Variants in MTUS2 observed in about 807,000 individuals in gnomAD.
The protein encoded by MTUS2 is microtubule-associated tumor suppressor candidate 2.
In MTUS2, 40 loss-of-function variants were observed where a neutral mutation model predicts 114.1. The observed-to-expected ratio is 0.35, with a 90% CI of 0.27 to 0.46. The LOEUF (loss-of-function observed/expected upper bound fraction) is 0.46, where lower values mean the gene tolerates loss of function less well. Among genes scored for constraint, MTUS2 ranks in the 20% least tolerant of loss-of-function variants. The pLI is 1.00. For missense variants in MTUS2, 1,679 were observed against 1,705.4 expected, an observed-to-expected ratio of 0.98 and a Z score of 0.27; for synonymous variants, 688 against 672.0, an observed-to-expected ratio of 1.02 and a Z score of -0.37.
chr13:29,450,772 A>C (rs1878627866), intron 9 of MTUS2, among the ~76,000 whole-genome samples: 1 of 152,232 alleles, frequency 6.6e-6, no homozygotes, highest in Non-Finnish European at 1.5e-5. Flanking sequence ...AACATCAATC[A>C]AAAGAAAATT....
At chr13:29,195,778 C>G (rs937285274) in intron 5 of MTUS2, among the ~76,000 whole-genome samples, 1 of 152,144 alleles carries the variant, frequency 6.6e-6, no homozygotes. Context: ...TCAGCAGTAA[C>G]ACAGAAGCAA....
intron 2 of MTUS2, among the ~76,000 whole-genome samples, chr13:28,953,181 T>G (rs1287190633): frequency 6.6e-6 from 1 of 151,020 alleles, no homozygotes; most frequent in Non-Finnish European, 1.5e-5. Flanking sequence ...TTTTTTTTTT[T>G]GCACATTTTT....
intron 5 of MTUS2, among the ~76,000 whole-genome samples, chr13:29,237,547 C>G (rs1337667730): frequency 6.6e-6 from 1 of 152,136 alleles, no homozygotes; most frequent in African/African-American, 2.4e-5. Flanking sequence ...TCCCTGTGAT[C>G]TGTTATCTGG....
intron 8 of MTUS2, among the ~76,000 whole-genome samples, chr13:29,431,823 G>GT (rs1017878254): frequency 3.9e-5 from 6 of 151,930 alleles, no homozygotes; most frequent in Non-Finnish European, 8.8e-5. Context: ...CCAGACCCAG[G>GT]TTTTTTGTTG....
intron 2 of MTUS2, among the ~76,000 whole-genome samples, chr13:28,879,165 A>AT (rs1209828266): frequency 1.7e-4 from 25 of 149,378 alleles, no homozygotes; most frequent in Non-Finnish European, 3.0e-4. Flanking sequence ...CTCACTTTTA[A>AT]TTTTTTTTTC....
chr13:29,005,177 G>A (rs1409600779), intron 2 of MTUS2, among the ~76,000 whole-genome samples: 1 of 152,202 alleles, frequency 6.6e-6, no homozygotes, highest in African/African-American at 2.4e-5. Flanking sequence ...TAGGGTGAGT[G>A]AGTGGACCTA....
chr13:29,087,808 C>T (rs7996526), intron 4 of MTUS2, among the ~76,000 whole-genome samples: 3,781 of 152,172 alleles, frequency 0.025, 175 homozygotes, highest in African/African-American at 0.085. Context: ...CCTGTAATCC[C>T]GGCACTCTGG....
At chr13:29,346,348 T>G (rs756692857) in intron 7 of MTUS2, among the ~76,000 whole-genome samples, 1 of 152,068 alleles carries the variant, frequency 6.6e-6, no homozygotes, top group Non-Finnish European at 1.5e-5. Context: ...ATGTCTGGGC[T>G]CAGACTCTCC....
At chr13:29,429,060 T>G (rs1876799140) in intron 8 of MTUS2, among the ~76,000 whole-genome samples, 1 of 152,232 alleles carries the variant, frequency 6.6e-6, no homozygotes, top group Non-Finnish European at 1.5e-5. Flanking sequence ...TTGTGAGTGG[T>G]GTTCACAGAA....
At chr13:29,255,836 T>C (rs1030269270) in intron 5 of MTUS2, among the ~76,000 whole-genome samples, 1 of 152,104 alleles carries the variant, frequency 6.6e-6, no homozygotes, top group African/African-American at 2.4e-5. Flanking sequence ...TAGCCTTCAG[T>C]TTCTGGACAC....
chr13:29,336,823 C>G (rs534583946), intron 7 of MTUS2, among the ~76,000 whole-genome samples: 2 of 152,362 alleles, frequency 1.3e-5, no homozygotes, highest in East Asian at 3.9e-4. Flanking sequence ...CACTACCTTT[C>G]TTTCAGAATT....
chr13:29,158,582 T>G (rs1236036258), intron 5 of MTUS2, among the ~76,000 whole-genome samples: 1 of 151,834 alleles, frequency 6.6e-6, no homozygotes, highest in Non-Finnish European at 1.5e-5. Context: ...AAATACCTTC[T>G]TGGCTTCTGT....
At chr13:29,469,091 G>C (rs58970654) in intron 9 of MTUS2, among the ~76,000 whole-genome samples, 1 of 152,070 alleles carries the variant, frequency 6.6e-6, no homozygotes, top group African/African-American at 2.4e-5. Context: ...CAACCTCCTC[G>C]TTTGACGGAT....
intron 2 of MTUS2, among the ~76,000 whole-genome samples, chr13:28,897,532 G>A (rs1258871359): frequency 6.6e-6 from 1 of 152,100 alleles, no homozygotes; most frequent in South Asian, 2.1e-4. Flanking sequence ...ATTTGACCCA[G>A]CCATCCCATT....
At chr13:29,135,594 G>C (rs12870632) in intron 5 of MTUS2, among the ~76,000 whole-genome samples, 8,253 of 151,990 alleles carry the variant, frequency 0.054, 291 homozygotes, top group Non-Finnish European at 0.077. Context: ...ATGCCTTATA[G>C]GATTTCTGTC....
chr13:29,275,283 G>A (rs1898021791), intron 5 of MTUS2, among the ~76,000 whole-genome samples: 1 of 152,228 alleles, frequency 6.6e-6, no homozygotes, highest in Admixed American at 6.5e-5. Flanking sequence ...GGTTACATGA[G>A]ATATTTTGAT....
At chr13:29,073,406 C>G (rs1179588381) in intron 4 of MTUS2, among the ~76,000 whole-genome samples, 2 of 152,176 alleles carry the variant, frequency 1.3e-5, no homozygotes, top group Non-Finnish European at 2.9e-5. Flanking sequence ...ACAACTTTGA[C>G]TAGTTTCTCT....
chr13:29,172,748 T>G (rs1295962723), intron 5 of MTUS2, among the ~76,000 whole-genome samples: 1 of 152,196 alleles, frequency 6.6e-6, no homozygotes, highest in Non-Finnish European at 1.5e-5. Flanking sequence ...AAGGAGACAT[T>G]ACCAGGCTAC....
chr13:29,472,031 G>T (rs1880353917), intron 9 of MTUS2, among the ~76,000 whole-genome samples: 1 of 151,936 alleles, frequency 6.6e-6, no homozygotes, highest in Non-Finnish European at 1.5e-5. Flanking sequence ...ACTTTCTGTT[G>T]TTTTTCTTTT....
Sources: gnomAD v4.1 joint callset for allele counts (sites outside exome capture counted in the v4.1 genomes callset) on GRCh38, gnomAD v4.1.1 for gene constraint, MANE v1.5 for transcripts, NCBI Gene and HGNC (gene_info 2026-07-23, HGNC 2026-07-21) for gene names.